POU6F2: variants seen among roughly 807,000 people sequenced by gnomAD.
POU6F2 encodes POU class 6 homeobox 2, also known as POU domain, class 6, transcription factor 2.
A neutral mutation model predicts 71.3 loss-of-function variants in POU6F2; 31 were observed. The ratio of observed to expected loss-of-function variants is 0.43; its 90% CI spans 0.33 to 0.59. POU6F2 has a LOEUF of 0.59. Ranked by LOEUF, POU6F2 falls within the 20% of genes least tolerant of loss-of-function variation. POU6F2 has a pLI of 0.04. For missense variants in POU6F2, 783 were observed against 856.8 expected (o/e 0.91, Z 1.07); for synonymous variants, 347 against 355.7 (o/e 0.98, Z 0.27).
intron 4 of POU6F2, among the ~76,000 whole-genome samples, chr7:39,306,126 C>G (rs1014212076): frequency 5.3e-5 from 8 of 152,120 alleles, no homozygotes; most frequent in African/African-American, 1.9e-4. Context: ...TAAATAGAAA[C>G]CAGGTTCACA....
chr7:39,184,534 C>T lies in POU6F2; in HGVS notation c.278-19701C>T, dbSNP rs183404920. On this transcript the variant is annotated intron_variant, in intron 2 of 9. Transcript: ENST00000518318. ...TTTAAAAGGGAAATGCTGACACAGTCTCAGCCCTGGTAGCAAAATGGTGCA... is the reference window on the plus strand; with the variant it reads ...TTTAAAAGGGAAATGCTGACACAGTTTCAGCCCTGGTAGCAAAATGGTGCA... 2.2e-3 allele frequency among the ~76,000 whole-genome samples: 339 copies of T among 152,346 alleles called. 2 individuals are homozygous for T. The highest frequency in any genetic ancestry group is 3.0e-3 in the Non-Finnish European group (202 of 68,034).
chr7:39,025,040 C>G (rs1789768882), intron 1 of POU6F2, among the ~76,000 whole-genome samples: 1 of 152,000 alleles, frequency 6.6e-6, no homozygotes, highest in Non-Finnish European at 1.5e-5. Flanking sequence ...AGGGAGGATT[C>G]CCTCTTTTTC....
At chr7:39,441,236 T>A (rs1313013727) in intron 7 of POU6F2, among the ~76,000 whole-genome samples, 2 of 152,046 alleles carry the variant, frequency 1.3e-5, no homozygotes, top group Non-Finnish European at 2.9e-5. Context: ...AGCTTTTTTT[T>A]TTTTTTCAAG....
chr7:39,266,983 C>T (rs1400134234), intron 4 of POU6F2, among the ~76,000 whole-genome samples: 2 of 152,094 alleles, frequency 1.3e-5, no homozygotes, highest in Non-Finnish European at 2.9e-5. Context: ...TGTTGACCAA[C>T]CTCTTCCCCT....
At chr7:39,410,014 A>C (rs1439388055) in intron 6 of POU6F2, among the ~76,000 whole-genome samples, 1 of 152,214 alleles carries the variant, frequency 6.6e-6, no homozygotes, top group Non-Finnish European at 1.5e-5. Flanking sequence ...GCACTATTCA[A>C]TAGAGTTATG....
chr7:39,023,492 GGTA>G (rs1165109182), intron 1 of POU6F2, among the ~76,000 whole-genome samples: 2 of 151,996 alleles, frequency 1.3e-5, no homozygotes, highest in Non-Finnish European at 2.9e-5. Context: ...GGACCTAGCA[GGTA>G]GAGGCCAAGA....
At chr7:38,982,415 T>C (rs1309249634) in intron 1 of POU6F2, among the ~76,000 whole-genome samples, 1 of 152,166 alleles carries the variant, frequency 6.6e-6, no homozygotes, top group African/African-American at 2.4e-5. Flanking sequence ...CTGGTGCTAG[T>C]ATTCTTTTGG....
At chr7:39,166,767 G>T (rs972352954) in intron 2 of POU6F2, among the ~76,000 whole-genome samples, 2 of 152,142 alleles carry the variant, frequency 1.3e-5, no homozygotes, top group Non-Finnish European at 2.9e-5. Flanking sequence ...GGTAGTGCTG[G>T]AATGTTCACC....
intron 1 of POU6F2, among the ~76,000 whole-genome samples, chr7:39,027,934 A>G (rs765362624): frequency 1.5e-4 from 23 of 152,310 alleles, no homozygotes; most frequent in Middle Eastern, 3.4e-3. Context: ...TTTCAGATGC[A>G]TATACCAATT....
At chr7:39,097,624 G>A (rs1239212100) in intron 2 of POU6F2, among the ~76,000 whole-genome samples, 1 of 152,222 alleles carries the variant, frequency 6.6e-6, no homozygotes, top group African/African-American at 2.4e-5. Flanking sequence ...TACAGTTTAT[G>A]TATTCAACAT....
chr7:39,312,834 G>C (rs1301187980), intron 4 of POU6F2, among the ~76,000 whole-genome samples: 1 of 152,194 alleles, frequency 6.6e-6, no homozygotes, highest in African/African-American at 2.4e-5. Flanking sequence ...TGGACAAAGG[G>C]TTGCTTCACT....
At chr7:39,082,010 C>G (rs1206088197) in intron 1 of POU6F2, among the ~76,000 whole-genome samples, 3 of 152,198 alleles carry the variant, frequency 2.0e-5, no homozygotes, top group Non-Finnish European at 4.4e-5. Context: ...GGGGCTAATA[C>G]CTTGCATAGC....
At chr7:39,450,674 A>T (rs561037861) in intron 7 of POU6F2, among the ~76,000 whole-genome samples, 1 of 152,306 alleles carries the variant, frequency 6.6e-6, no homozygotes, top group East Asian at 1.9e-4. Context: ...TTTTAAAATT[A>T]AATTAATTCT....
intron 1 of POU6F2, among the ~76,000 whole-genome samples, chr7:39,030,933 G>A (rs886783785): frequency 4.6e-5 from 7 of 151,816 alleles, no homozygotes; most frequent in African/African-American, 1.2e-4. Flanking sequence ...ACAGAGTCCC[G>A]CTCTGTCACC....
chr7:39,408,495 C>A (rs73386466), intron 6 of POU6F2, among the ~76,000 whole-genome samples: 4,061 of 152,298 alleles, frequency 0.027, 165 homozygotes, highest in African/African-American at 0.093. Context: ...ATAGCTTTCC[C>A]AGCCCATAAG....
intron 2 of POU6F2, among the ~76,000 whole-genome samples, chr7:39,102,390 C>T (rs1554319012): frequency 6.6e-6 from 1 of 152,098 alleles, no homozygotes; most frequent in Non-Finnish European, 1.5e-5. Flanking sequence ...CACTGTTTGC[C>T]TAGTATTATC....
chr7:39,261,091 A>C (rs117256688), intron 4 of POU6F2, among the ~76,000 whole-genome samples: 215 of 129,770 alleles, frequency 1.7e-3, no homozygotes, highest in African/African-American at 5.7e-3. Context: ...ACACACACAC[A>C]CCCCACGCCA....
chr7:39,295,225 G>A (rs1412731900), intron 4 of POU6F2, among the ~76,000 whole-genome samples: 1 of 151,888 alleles, frequency 6.6e-6, no homozygotes, highest in Admixed American at 6.6e-5. Context: ...GAAAACCTAG[G>A]GGGTATGCGT....
At chr7:39,124,711 G>C (rs529461305) in intron 2 of POU6F2, among the ~76,000 whole-genome samples, 1 of 152,020 alleles carries the variant, frequency 6.6e-6, no homozygotes, top group African/African-American at 2.4e-5. Flanking sequence ...ACCACGTTTC[G>C]GGGACACAAA....
Sources: allele counts gnomAD v4.1 joint callset (sites outside exome capture counted in the v4.1 genomes callset), GRCh38; gene constraint gnomAD v4.1.1; transcripts MANE v1.5; gene names NCBI Gene and HGNC (gene_info 2026-07-23, HGNC 2026-07-21).